Variants in NSUN6 observed in about 807,000 individuals in gnomAD.
NSUN6 encodes the protein tRNA (cytosine(72)-C(5))-methyltransferase NSUN6.
Under a neutral mutation model 58.0 loss-of-function variants are expected in NSUN6, and 64 were observed. That is an observed-to-expected ratio of 1.10 (90% confidence interval 0.90 to 1.36). The LOEUF (loss-of-function observed/expected upper bound fraction) is 1.36, where lower values mean the gene tolerates loss of function less well. Among genes scored for constraint, NSUN6 ranks in the 40% most tolerant of loss-of-function variants. NSUN6 has a pLI of 0.00. For synonymous variants in NSUN6, 231 were observed against 193.9 expected (o/e 1.19, Z -1.59); for missense variants, 701 against 550.1 (o/e 1.27, Z -2.74).
intron 5 of NSUN6, among the ~76,000 whole-genome samples, chr10:18,610,682 G>A (rs2058201799): frequency 6.6e-6 from 1 of 152,168 alleles, no homozygotes; most frequent in Non-Finnish European, 1.5e-5. Context: ...AGATGGCCTG[G>A]TGGAGAATGA....
upstream of NSUN6, chr10:18,658,222 T>A (rs1422333684): frequency 1.3e-5 from 2 of 152,206 alleles, no homozygotes; most frequent in African/African-American, 4.8e-5. Context: ...AACTTGCCTT[T>A]AATGTTGTAA....
chr10:18,645,182 A>G (rs552061373), intron 2 of NSUN6, among the ~76,000 whole-genome samples: 218 of 151,302 alleles, frequency 1.4e-3, no homozygotes, highest in Non-Finnish European at 2.6e-3. Context: ...AAAAAAAGAA[A>G]ATGTATATAA....
chr10:18,563,336 GGAATA>G (rs1270861683), intron 8 of NSUN6, among the ~76,000 whole-genome samples: 1 of 150,628 alleles, frequency 6.6e-6, no homozygotes, highest in Non-Finnish European at 1.5e-5. Context: ...ATTACAGAAT[GGAATA>G]GAATAGAGAA....
chr10:18,588,651 C>T (rs751428933), intron 7 of NSUN6, among the ~76,000 whole-genome samples: 4 of 152,156 alleles, frequency 2.6e-5, no homozygotes, highest in Admixed American at 1.3e-4. Flanking sequence ...CTGGGGTGGA[C>T]CTCCAGCAAA....
At chr10:18,631,104 C>A (rs533584522) in intron 3 of NSUN6, among the ~76,000 whole-genome samples, 1 of 152,162 alleles carries the variant, frequency 6.6e-6, no homozygotes, top group Non-Finnish European at 1.5e-5. Context: ...TCATTATACC[C>A]AAATCAATAA....
chr10:18,586,674 G>C (rs1394259940), intron 7 of NSUN6, among the ~76,000 whole-genome samples: 1 of 152,338 alleles, frequency 6.6e-6, no homozygotes, highest in Non-Finnish European at 1.5e-5. Context: ...GAGTGTTACA[G>C]CTCACAAAGG....
chr10:18,594,679 A>C (rs2057514705), intron 7 of NSUN6, among the ~76,000 whole-genome samples: 1 of 151,988 alleles, frequency 6.6e-6, no homozygotes, highest in Non-Finnish European at 1.5e-5. Context: ...TCGATCTCTT[A>C]ACCTCGTGAT....
At chr10:18,547,969 G>T in intron 10 of NSUN6, 143 bp downstream of exon 10, 1 of 799,456 alleles carries the variant, frequency 1.3e-6, no homozygotes, top group Admixed American at 2.9e-5. Flanking sequence ...GTCTAAAGTG[G>T]ATTTAATTAG....
chr10:18,635,253 A>G (rs1423481580), intron 3 of NSUN6, among the ~76,000 whole-genome samples: 1 of 152,160 alleles, frequency 6.6e-6, no homozygotes, highest in Non-Finnish European at 1.5e-5. Flanking sequence ...GGTTTCTTCC[A>G]AACTTCACCC....
At chr10:18,559,680 T>C (rs150440405) in intron 8 of NSUN6, among the ~76,000 whole-genome samples, 5 of 148,594 alleles carry the variant, frequency 3.4e-5, no homozygotes, top group Non-Finnish European at 7.5e-5. Flanking sequence ...ATGTGAAATG[T>C]AATGCATTGG....
At chr10:18,560,197 A>G (rs2055386160) in intron 8 of NSUN6, among the ~76,000 whole-genome samples, 1 of 150,388 alleles carries the variant, frequency 6.6e-6, no homozygotes, top group Admixed American at 6.6e-5. Flanking sequence ...GGAATGGAAA[A>G]TGGAATGGAA....
chr10:18,554,014 G>C (rs1175015124), intron 8 of NSUN6, among the ~76,000 whole-genome samples: 1 of 151,378 alleles, frequency 6.6e-6, no homozygotes, highest in Non-Finnish European at 1.5e-5. Flanking sequence ...ATTGATTACA[G>C]AATGGAATGG....
At chr10:18,600,294 C>T (rs2057754312) in intron 6 of NSUN6, among the ~76,000 whole-genome samples, 1 of 152,070 alleles carries the variant, frequency 6.6e-6, no homozygotes, top group East Asian at 1.9e-4. Context: ...GTAATTATGT[C>T]CTCCTGTCCT....
chr10:18,625,997 A>C (rs530882712), intron 3 of NSUN6, among the ~76,000 whole-genome samples: 1 of 152,192 alleles, frequency 6.6e-6, no homozygotes, highest in Admixed American at 6.5e-5. Flanking sequence ...CTTGTTTTAT[A>C]AACAAAAAGG....
intron 8 of NSUN6, among the ~76,000 whole-genome samples, chr10:18,562,469 A>G (rs1195866888): frequency 6.6e-6 from 1 of 150,642 alleles, no homozygotes; most frequent in African/African-American, 2.5e-5. Flanking sequence ...AATGGATTGC[A>G]GAATGGAATG....
intron 7 of NSUN6, among the ~76,000 whole-genome samples, chr10:18,594,511 C>G (rs886457163): frequency 2.0e-4 from 30 of 151,804 alleles, no homozygotes; most frequent in African/African-American, 7.2e-4. Flanking sequence ...TGCAGTGGCG[C>G]GATCTTGGCT....
chr10:18,638,510 C>T (rs144911456), intron 3 of NSUN6, among the ~76,000 whole-genome samples: 1,959 of 152,034 alleles, frequency 0.013, 27 homozygotes, highest in Admixed American at 0.021. Context: ...TTACACTGGC[C>T]AAATGTCTGA....
In NSUN6 at chr10:18,586,005, G is replaced by A; in HGVS notation, c.866C>T (p.Ala289Val). ...CGCCTTTGTTCCATCAAAACAAAAT[G>A]CCCTGATGGAATTCAGCCCTAACAA... ...ALLLGLNSIRAFCFDGTKAVK... is the reference protein window; with the variant it reads ...ALLLGLNSIRVFCFDGTKAVK... The change falls in exon 8 of 11, where the codon GCA becomes GTA. Residue 289 changes from alanine to valine, a missense_variant. Physicochemically the swap from Ala to Val is moderately conservative, Grantham distance 64 (BLOSUM62 0). Coordinates refer to ENST00000377304, the MANE Select transcript of NSUN6 (RefSeq NM_182543.5). 1.2e-6 allele frequency: 2 copies of A among 1,611,734 alleles called. No individual in the cohort carries two copies. Among genetic ancestry groups the A allele is most frequent in the Non-Finnish European group, 1.7e-6 (2 of 1,179,248 alleles).
chr10:18,651,551 AGGCTGACAGCAGCTC>A lies in NSUN6; in HGVS notation c.-363_-349del. 1 of 1,009,728 alleles carries A rather than the reference AGGCTGACAGCAGCTC, an allele frequency of 9.9e-7. No homozygotes were observed. The highest frequency in any genetic ancestry group is 1.2e-6 in the Non-Finnish European group (1 of 846,026). 62.5% of individuals were successfully genotyped at this position (1,009,728 alleles called of 1,614,324 possible). On this transcript the variant is annotated 5_prime_UTR_variant, in exon 1 of 11. Transcript: ENST00000377304. ...TGAAACGGACGCAGATCAGTAAGCC[AGGCTGACAGCAGCTC>A]GGTCCCTTTATCTTTTCTATCAATT...
Sources: gnomAD v4.1 joint callset for allele counts (sites outside exome capture counted in the v4.1 genomes callset) on GRCh38, gnomAD v4.1.1 for gene constraint, MANE v1.5 for transcripts, NCBI Gene and HGNC (gene_info 2026-07-23, HGNC 2026-07-21) for gene names.